NCALD: variants seen among roughly 807,000 people sequenced by gnomAD.
NCALD encodes neurocalcin-delta.
NCALD carries 10 observed loss-of-function variants against 18.6 expected under a neutral mutation model. That is an observed-to-expected ratio of 0.54 (90% CI 0.33 to 0.91). The LOEUF is 0.91. Ranked by LOEUF, NCALD falls within the 40% of genes least tolerant of loss-of-function variation. The pLI, the probability that NCALD is intolerant of heterozygous loss-of-function variation, is 0.03. For synonymous variants in NCALD, 88 were observed against 87.4 expected (o/e 1.01, Z -0.04); for missense variants, 184 against 247.6 (o/e 0.74, Z 1.72).
chr8:101,986,501 C>T (rs570683663), intron 2 of NCALD: 1 of 152,402 alleles, frequency 6.6e-6, no homozygotes, highest in South Asian at 2.1e-4. Context: ...CATGTTCAAA[C>T]CTGATCTCAA....
intron 1 of NCALD, among the ~76,000 whole-genome samples, chr8:101,737,068 T>C (rs1031229936): frequency 1.3e-5 from 2 of 152,146 alleles, no homozygotes; most frequent in African/African-American, 4.8e-5. Context: ...CAAAACCACC[T>C]TTATTTGTCA....
chr8:101,978,644 AGGTGGT>A (rs3056902), intron 2 of NCALD, among the ~76,000 whole-genome samples: 3 of 151,770 alleles, frequency 2.0e-5, no homozygotes, highest in African/African-American at 7.3e-5. Flanking sequence ...TAATGTGTGC[AGGTGGT>A]GGTGGTGGTG....
intron 1 of NCALD, among the ~76,000 whole-genome samples, chr8:101,774,427 C>A (rs768729337): frequency 6.6e-6 from 1 of 152,000 alleles, no homozygotes; most frequent in Non-Finnish European, 1.5e-5. Context: ...TAATTTATTA[C>A]CCTTGAGGAG....
At chr8:102,120,868 G>C (rs1825925060) in intron 1 of NCALD, among the ~76,000 whole-genome samples, 1 of 152,178 alleles carries the variant, frequency 6.6e-6, no homozygotes, top group South Asian at 2.1e-4. Context: ...GTGGTAGAAA[G>C]TTCCTGCCTT....
intron 1 of NCALD, among the ~76,000 whole-genome samples, chr8:102,049,875 G>A (rs1279904199): frequency 6.6e-6 from 1 of 151,880 alleles, no homozygotes; most frequent in African/African-American, 2.4e-5. Context: ...AAATTGAGCT[G>A]TTTTCGGCCG....
In NCALD at chr8:101,943,596, C is replaced by T. The variant is rs565157046; in HGVS notation, c.-156-27738G>A. Among the ~76,000 whole-genome samples the T allele has an allele frequency of 3.9e-5, 6 of 152,248 alleles. No individual in the cohort carries two copies. The South Asian group carries it at 6.2e-4, about 16-fold the overall frequency. ...AGGGGAGAGAGCTGAAGAGGCATCA[C>T]GTTAAGAAGACGCACCAGTGCTGGG... is the stretch of plus-strand genomic sequence containing the variant. On this transcript the variant is annotated intron_variant, in intron 2 of 6. Coordinates refer to the NCALD transcript ENST00000311028.
At chr8:101,931,213 A>G (rs1013864201) in intron 2 of NCALD, among the ~76,000 whole-genome samples, 1 of 152,208 alleles carries the variant, frequency 6.6e-6, no homozygotes, top group African/African-American at 2.4e-5. Flanking sequence ...CAGGTGAAAA[A>G]GCCATTTGCT....
chr8:101,703,539 A>T (rs968804383), intron 2 of NCALD, among the ~76,000 whole-genome samples: 6 of 152,192 alleles, frequency 3.9e-5, no homozygotes, highest in African/African-American at 1.4e-4. Context: ...AACAATGGAC[A>T]TGAAACAACA....
intron 4 of NCALD, among the ~76,000 whole-genome samples, chr8:101,878,321 T>C (rs1816317104): frequency 6.6e-6 from 1 of 152,246 alleles, no homozygotes; most frequent in South Asian, 2.1e-4. Context: ...CTCTGTCCCA[T>C]AGAAATTACA....
chr8:101,994,049 T>A (rs1178516815), intron 2 of NCALD, among the ~76,000 whole-genome samples: 3 of 152,220 alleles, frequency 2.0e-5, no homozygotes, highest in African/African-American at 7.2e-5. Flanking sequence ...AGTGTTATGT[T>A]CACCAAAGCA....
At chr8:101,721,873 A>C (rs1816374169) in intron 1 of NCALD, among the ~76,000 whole-genome samples, 2 of 146,156 alleles carry the variant, frequency 1.4e-5, no homozygotes, top group South Asian at 4.3e-4. Context: ...TTTTTTTAAG[A>C]CTCTGTCACT....
At chr8:101,899,719 GAATA>G (rs1171496749) in intron 3 of NCALD, among the ~76,000 whole-genome samples, 3 of 146,824 alleles carry the variant, frequency 2.0e-5, no homozygotes, top group African/African-American at 5.3e-5. Flanking sequence ...TTTATCCCTA[GAATA>G]AATATATGGT....
At chr8:101,719,761 T>C (rs573316096) in intron 1 of NCALD, 113 bp from the exon 2 acceptor site, 1 of 994,898 alleles carries the variant, frequency 1.0e-6, no homozygotes. Context: ...ATAAACTCTA[T>C]ACGAGTCCAG....
chr8:101,845,966 A>G (rs1386993274), intron 4 of NCALD, among the ~76,000 whole-genome samples: 1 of 152,200 alleles, frequency 6.6e-6, no homozygotes, highest in Admixed American at 6.5e-5. Context: ...TTATTTCACT[A>G]AACATAATGT....
rs923356103 is a variant in NCALD at position 101,935,688 on chromosome 8, G to A, written c.-156-19830C>T. On this transcript the variant is annotated intron_variant, in intron 2 of 6. Coordinates refer to the NCALD transcript ENST00000311028. ...GAGTGGAGTGGGTTGCAGAGAGAAA[G>A]TGGGGAGAGGAAGTGGATATGATGA... 2.0e-5 allele frequency among the ~76,000 whole-genome samples: 3 copies of A among 151,878 alleles called. No homozygotes were observed. The South Asian group carries it at 6.2e-4, about 32-fold the overall frequency.
intron 3 of NCALD, among the ~76,000 whole-genome samples, chr8:101,908,029 A>G (rs2131592381): frequency 6.6e-6 from 1 of 152,346 alleles, no homozygotes; most frequent in Middle Eastern, 3.4e-3. Flanking sequence ...ACAAGAATAG[A>G]AAACACCCAG....
At chr8:101,711,260 G>A (rs1430670446) in intron 2 of NCALD, among the ~76,000 whole-genome samples, 3 of 152,072 alleles carry the variant, frequency 2.0e-5, no homozygotes, top group Non-Finnish European at 2.9e-5. Context: ...AACTCCAGCC[G>A]AAGGTCACCA....
chr8:101,740,227 C>T (rs2130684935), intron 1 of NCALD, among the ~76,000 whole-genome samples: 1 of 152,338 alleles, frequency 6.6e-6, no homozygotes, highest in African/African-American at 2.4e-5. Context: ...CTAACATCTG[C>T]TGAACTAAAA....
chr8:101,738,636 C>G (rs77423365), intron 1 of NCALD, among the ~76,000 whole-genome samples: 2,679 of 151,536 alleles, frequency 0.018, 89 homozygotes, highest in African/African-American at 0.062. Flanking sequence ...ACGCTATCTG[C>G]GGTTGGCTTG....
Sources: allele counts gnomAD v4.1 joint callset (sites outside exome capture counted in the v4.1 genomes callset), GRCh38; gene constraint gnomAD v4.1.1; transcripts MANE v1.5; gene names NCBI Gene and HGNC (gene_info 2026-07-23, HGNC 2026-07-21).